Variants in ASB4 observed in about 807,000 individuals in gnomAD.
ASB4 encodes the protein ankyrin repeat and SOCS box containing 4, also known as ankyrin repeat and SOCS box protein 4.
ASB4 carries 35 observed loss-of-function variants against 38.6 expected under a neutral mutation model. The observed-to-expected ratio is 0.91, with a 90% CI of 0.69 to 1.20. The LOEUF (loss-of-function observed/expected upper bound fraction) is 1.20, where lower values mean the gene tolerates loss of function less well. ASB4 is among the 50% of genes most tolerant of loss of function. The pLI, the probability that ASB4 is intolerant of heterozygous loss-of-function variation, is 0.00. For synonymous variants in ASB4, 195 were observed against 201.3 expected (o/e 0.97, Z 0.26); for missense variants, 557 against 527.2 (o/e 1.06, Z -0.55).
At chr7:95,530,105 CAAA>C (rs60923712) in intron 3 of ASB4, among the ~76,000 whole-genome samples, 5 of 99,678 alleles carry the variant, frequency 5.0e-5, no homozygotes, top group Non-Finnish European at 5.9e-5. Flanking sequence ...AAAAGCAGGG[CAAA>C]AAAAAAAAAA....
At position 95,508,067 on chromosome 7, in the gene ASB4, T is replaced by C. The variant is rs1438866839; in HGVS notation, c.487+12010T>C. Among the ~76,000 whole-genome samples, 3 of 152,124 alleles carry C rather than the reference T, an allele frequency of 2.0e-5. No individual in the cohort carries two copies. In the East Asian group the frequency reaches 5.8e-4, roughly 29 times the overall value. On this transcript the variant is annotated intron_variant, in intron 2 of 4. Transcript: ENST00000325885. ...GGAAAATGGGTTTGAACTTATTTTT[T>C]TTTTAGATTTTAGATGATAGAAACC...
intron 2 of ASB4, among the ~76,000 whole-genome samples, chr7:95,515,104 T>G (rs1252721727): frequency 1.3e-5 from 2 of 152,330 alleles, no homozygotes; most frequent in Middle Eastern, 6.8e-3. Context: ...TCCTTCCTCA[T>G]ATGAATTCCC....
At chr7:95,541,746 G>T (rs144356377), downstream of ASB4, among the ~76,000 whole-genome samples, 1 of 152,100 alleles carries the variant, frequency 6.6e-6, no homozygotes, top group African/African-American at 2.4e-5. Context: ...AGCTGATTTC[G>T]CAGCTGTTTC....
intron 2 of ASB4, among the ~76,000 whole-genome samples, chr7:95,513,233 G>GT (rs1047798912): frequency 6.7e-5 from 9 of 134,018 alleles, no homozygotes; most frequent in African/African-American, 1.1e-4. Flanking sequence ...CACTGTCAGG[G>GT]TTTTTTTTGT....
rs764528090 is a variant in ASB4 at position 95,495,791 on chromosome 7, C to T, written c.221C>T (p.Ser74Phe). The T allele has an allele frequency of 3.7e-6, 6 of 1,604,646 alleles. No individual in the cohort carries two copies. The highest frequency in any genetic ancestry group is 2.7e-5 in the African/African-American group (2 of 73,198). ...TTGCCTAGCTATAAATTGAAGTCTT[C>T]CTGGGCCACAGGCCTCCATCTCTCT... ...YWLPSYKLKS[S>F]WATGLHLSVL... Residue 74 changes from serine (S) to phenylalanine (F), a missense_variant, in exon 2 of 5, where the codon TCC becomes TTC. By Grantham distance (155) the Ser-to-Phe change is radical. Coordinates refer to ENST00000325885, the MANE Select transcript of ASB4 (RefSeq NM_016116.3).
At chr7:95,513,975 C>G (rs544915630) in intron 2 of ASB4, among the ~76,000 whole-genome samples, 1 of 152,312 alleles carries the variant, frequency 6.6e-6, no homozygotes, top group East Asian at 1.9e-4. Flanking sequence ...AAATCACCCT[C>G]ACAACTCCTG....
chr7:95,530,309 C>G (rs1790802577), intron 3 of ASB4, among the ~76,000 whole-genome samples: 2 of 151,816 alleles, frequency 1.3e-5, no homozygotes, highest in South Asian at 4.2e-4. Flanking sequence ...TAATAAAATA[C>G]AAAAAATTAG....
upstream of ASB4, among the ~76,000 whole-genome samples, chr7:95,474,407 GT>G (rs1239324227): frequency 2.6e-5 from 4 of 151,854 alleles, no homozygotes; most frequent in Non-Finnish European, 5.9e-5. Context: ...TTATCAATTT[GT>G]TTTTTTTATA....
rs529734179 is a variant in ASB4, at chr7:95,523,205, A to G, written c.488-4608A>G. ...TATAATTAATCAAGATTGTTATGCA[A>G]CTTCTGAAAGGAGTAGGACATTCTG... On this transcript the variant is annotated intron_variant, in intron 2 of 4. Transcript: ENST00000325885. Among the ~76,000 whole-genome samples, 8 of 152,342 alleles carry G rather than the reference A, an allele frequency of 5.3e-5. No homozygotes were observed. The South Asian group carries it at 8.3e-4, about 16-fold the overall frequency.
chr7:95,549,300 C>CGTTTTTTTTTTTTT, the ASB4 span, among the ~76,000 whole-genome samples: 1 of 83,088 alleles, frequency 1.2e-5, no homozygotes. Flanking sequence ...TAGGAGACTC[C>CGTTTTTTTTTTTTT]ATTTTTTTTT....
chr7:95,505,939 G>A (rs1790402131), intron 2 of ASB4, among the ~76,000 whole-genome samples: 2 of 151,942 alleles, frequency 1.3e-5, no homozygotes, highest in Non-Finnish European at 1.5e-5. Flanking sequence ...TGTCACCCAG[G>A]CTAGAATGCA....
At chr7:95,548,199 G>A in the ASB4 span, among the ~76,000 whole-genome samples, 17 of 152,274 alleles carry the variant, frequency 1.1e-4, no homozygotes, top group Middle Eastern at 3.4e-3. Flanking sequence ...TGAGAGTTCC[G>A]GTTGCTGTCA....
chr7:95,484,108 G>T (rs3757704), upstream of ASB4, among the ~76,000 whole-genome samples: 4,632 of 151,202 alleles, frequency 0.031, 111 homozygotes, highest in East Asian at 0.048. Flanking sequence ...CAGGAGGTTC[G>T]CTTAAACTTA....
At chr7:95,478,089 A>C (rs1203082158), upstream of ASB4, among the ~76,000 whole-genome samples, 1 of 152,232 alleles carries the variant, frequency 6.6e-6, no homozygotes, top group Non-Finnish European at 1.5e-5. Flanking sequence ...TACAGAGGAC[A>C]GTCCAATTTC....
chr7:95,540,389 A>T (rs2116664565), downstream of ASB4, among the ~76,000 whole-genome samples: 1 of 152,338 alleles, frequency 6.6e-6, no homozygotes, highest in Non-Finnish European at 1.5e-5. Flanking sequence ...TAATGTTTTC[A>T]AAAGAAAGTA....
chr7:95,519,672 T>G (rs1790633152), intron 2 of ASB4, among the ~76,000 whole-genome samples: 1 of 152,186 alleles, frequency 6.6e-6, no homozygotes, highest in Non-Finnish European at 1.5e-5. Flanking sequence ...TCTCAAATCC[T>G]TACGAATAAA....
intron 2 of ASB4, among the ~76,000 whole-genome samples, chr7:95,526,146 T>C (rs1204007157): frequency 6.6e-6 from 1 of 152,184 alleles, no homozygotes; most frequent in Non-Finnish European, 1.5e-5. Context: ...TGAGGTGGAA[T>C]AGAACAGTGA....
chr7:95,480,729 CAGAGACA>C (rs1215354825), intron 1 of ASB4, among the ~76,000 whole-genome samples: 1 of 152,196 alleles, frequency 6.6e-6, no homozygotes, highest in Non-Finnish European at 1.5e-5. Context: ...CATCATAGAG[CAGAGACA>C]AGCCTTTCCC....
At chr7:95,497,828 T>G (rs535854429) in intron 2 of ASB4, among the ~76,000 whole-genome samples, 3 of 152,300 alleles carry the variant, frequency 2.0e-5, no homozygotes, top group African/African-American at 7.2e-5. Flanking sequence ...ATAATACATT[T>G]GAGATCCATC....
Sources: gnomAD v4.1 joint callset for allele counts (sites outside exome capture counted in the v4.1 genomes callset) on GRCh38, gnomAD v4.1.1 for gene constraint, MANE v1.5 for transcripts, NCBI Gene and HGNC (gene_info 2026-07-23, HGNC 2026-07-21) for gene names.